Variants in CNNM2 observed in about 807,000 individuals in gnomAD.
The protein encoded by CNNM2 is cyclin and CBS domain divalent metal cation transport mediator 2.
Under a neutral mutation model 66.9 loss-of-function variants are expected in CNNM2, and 12 were observed. The observed-to-expected ratio is 0.18, with a 90% CI of 0.11 to 0.29. The LOEUF is 0.29. Among genes scored for constraint, CNNM2 ranks in the 10% least tolerant of loss-of-function variants. The pLI is 1.00. For missense variants in CNNM2, 705 were observed against 1,167.7 expected, an observed-to-expected ratio of 0.60 and a Z score of 5.77; for synonymous variants, 557 against 501.8, an observed-to-expected ratio of 1.11 and a Z score of -1.47.
At chr10:103,035,185 A>G (rs1564854719) in intron 1 of CNNM2, among the ~76,000 whole-genome samples, 2 of 152,144 alleles carry the variant, frequency 1.3e-5, no homozygotes, top group Non-Finnish European at 2.9e-5. Context: ...ACTACTAAGT[A>G]GTCTGGTCAG....
chr10:103,040,497 A>C (rs2065020761), intron 1 of CNNM2, among the ~76,000 whole-genome samples: 1 of 152,074 alleles, frequency 6.6e-6, no homozygotes, highest in Non-Finnish European at 1.5e-5. Context: ...GGAAGTGAGC[A>C]CTGTGCATGC....
At chr10:102,935,581 A>G (rs2134171721) in intron 1 of CNNM2, among the ~76,000 whole-genome samples, 1 of 151,296 alleles carries the variant, frequency 6.6e-6, no homozygotes, top group Non-Finnish European at 1.5e-5. Flanking sequence ...TACTGCTATG[A>G]GCAGTATGGT....
chr10:103,023,096 C>T (rs11191518), intron 1 of CNNM2, among the ~76,000 whole-genome samples: 4 of 151,836 alleles, frequency 2.6e-5, no homozygotes, highest in South Asian at 2.1e-4. Flanking sequence ...GTAGGGAGGG[C>T]GCTTCGCTAT....
At chr10:103,061,463 C>G (rs182281979) in intron 4 of CNNM2, among the ~76,000 whole-genome samples, 1 of 152,124 alleles carries the variant, frequency 6.6e-6, no homozygotes. Context: ...AGATTTGGCT[C>G]TTTGAAAATA....
At chr10:102,945,446 TG>T (rs1217081940) in intron 1 of CNNM2, among the ~76,000 whole-genome samples, 1 of 152,234 alleles carries the variant, frequency 6.6e-6, no homozygotes, top group Admixed American at 6.5e-5. Flanking sequence ...ATAACTTTTT[TG>T]CAAGTAGAAA....
rs141909382 is a variant in CNNM2, at chr10:103,011,086, C to A, written c.1622-38621C>A. On this transcript the variant is annotated intron_variant, in intron 1 of 7. Coordinates refer to ENST00000369878, the MANE Select transcript of CNNM2 (RefSeq NM_017649.5). ...TTTATTTCAAACATCCACCACAATG[C>A]GTAGCATGTGGAAGATGTAAATATC... Among the ~76,000 whole-genome samples the A allele has an allele frequency of 1.4e-4, 22 of 152,288 alleles. No homozygotes were observed. In the East Asian group the frequency reaches 4.2e-3, roughly 29 times the overall value.
chr10:102,927,806 T>A (rs1292944094), intron 1 of CNNM2, among the ~76,000 whole-genome samples: 1 of 152,082 alleles, frequency 6.6e-6, no homozygotes, highest in African/African-American at 2.4e-5. Context: ...TAGAGGTTTG[T>A]GGTCTAGCTT....
In CNNM2 at chr10:103,085,546, C is replaced by T. The variant is rs889527610; in HGVS notation, c.*8366C>T. Reference sequence around the variant, plus strand: ...TATCTCAGGCCTTGTCTACTCCCCTCGCCAGACATGGCTTTGGGAAGAGCT... The same window carrying T: ...TATCTCAGGCCTTGTCTACTCCCCTTGCCAGACATGGCTTTGGGAAGAGCT... On this transcript the variant is annotated 3_prime_UTR_variant, in exon 8 of 8. Coordinates refer to ENST00000369878, the MANE Select transcript of CNNM2 (RefSeq NM_017649.5). The T allele has an allele frequency of 3.9e-5, 6 of 152,324 alleles. No individual in the cohort carries two copies. The highest frequency in any genetic ancestry group is 7.3e-5 in the Non-Finnish European group (5 of 68,032). The allele number at this position is 152,324 out of a possible 1,614,324, so 9.4% of individuals were successfully genotyped here.
chr10:103,011,471 A>G (rs1401958780), intron 1 of CNNM2, among the ~76,000 whole-genome samples: 4 of 152,124 alleles, frequency 2.6e-5, no homozygotes, highest in Non-Finnish European at 4.4e-5. Flanking sequence ...AAAGCATTCC[A>G]TGGCCATTGG....
intron 1 of CNNM2, among the ~76,000 whole-genome samples, chr10:103,022,103 T>A (rs1318973086): frequency 6.6e-6 from 1 of 152,194 alleles, no homozygotes; most frequent in Admixed American, 6.5e-5. Context: ...AATTCTGACT[T>A]CTTATATAAA....
intron 1 of CNNM2, among the ~76,000 whole-genome samples, chr10:102,947,366 C>T (rs1234547965): frequency 6.6e-6 from 1 of 152,066 alleles, no homozygotes; most frequent in Non-Finnish European, 1.5e-5. Context: ...ATGTATGCGT[C>T]TTCTAGTGTT....
chr10:103,007,163 A>G (rs1341299361), intron 1 of CNNM2, among the ~76,000 whole-genome samples: 1 of 152,216 alleles, frequency 6.6e-6, no homozygotes, highest in Non-Finnish European at 1.5e-5. Context: ...GCAGGCTTTC[A>G]TTAAGGACTT....
chr10:102,920,172 A>T, intron 1 of CNNM2, 71 bp downstream of exon 1: 1 of 1,612,604 alleles, frequency 6.2e-7, no homozygotes, highest in Admixed American at 1.7e-5. Flanking sequence ...TGAGTCCTCT[A>T]CCCTCAGACC....
intron 1 of CNNM2, among the ~76,000 whole-genome samples, chr10:102,931,863 A>G (rs1846076179): frequency 2.0e-5 from 3 of 151,896 alleles, no homozygotes; most frequent in Admixed American, 2.0e-4. Context: ...AAAAAAAAAA[A>G]AAAGAATGCC....
intron 2 of CNNM2, among the ~76,000 whole-genome samples, chr10:103,050,257 C>T (rs1156717177): frequency 2.0e-5 from 3 of 152,140 alleles, no homozygotes; most frequent in Non-Finnish European, 2.9e-5. Context: ...GGAGGCCGGG[C>T]GTGGTGGCTC....
chr10:103,056,994 T>C, intron 4 of CNNM2, 30 bp downstream of exon 4: 1 of 1,589,728 alleles, frequency 6.3e-7, no homozygotes, highest in South Asian at 1.2e-5. Flanking sequence ...AGTGGTTTGC[T>C]CTCACTGAGT....
chr10:103,034,551 T>C (rs573021525), intron 1 of CNNM2, among the ~76,000 whole-genome samples: 16 of 152,322 alleles, frequency 1.1e-4, no homozygotes, highest in Non-Finnish European at 1.9e-4. Context: ...GTATAATTAC[T>C]GATCTTGTCT....
intron 4 of CNNM2, among the ~76,000 whole-genome samples, chr10:103,062,700 C>A (rs369749319): frequency 4.9e-4 from 74 of 152,340 alleles, no homozygotes; most frequent in African/African-American, 1.6e-3. Flanking sequence ...ATTCAGCACA[C>A]CTGGGCCTTT....
intron 1 of CNNM2, among the ~76,000 whole-genome samples, chr10:103,001,295 G>A (rs1324872503): frequency 1.3e-5 from 2 of 152,084 alleles, no homozygotes; most frequent in Admixed American, 1.3e-4. Flanking sequence ...CAGTGCCACT[G>A]AACTGTACAG....
Sources: allele counts gnomAD v4.1 joint callset (sites outside exome capture counted in the v4.1 genomes callset), GRCh38; gene constraint gnomAD v4.1.1; transcripts MANE v1.5; gene names NCBI Gene and HGNC (gene_info 2026-07-23, HGNC 2026-07-21).